Variants in CNDP2 observed in about 807,000 individuals in gnomAD.
CNDP2 encodes the protein carnosine dipeptidase 2, also known as cytosolic non-specific dipeptidase.
In CNDP2, 38 loss-of-function variants were observed where a neutral mutation model predicts 55.0. The ratio of observed to expected loss-of-function variants is 0.69; its 90% CI spans 0.53 to 0.90. CNDP2 has a LOEUF of 0.90. Ranked by LOEUF, CNDP2 falls within the 40% of genes least tolerant of loss-of-function variation. The pLI, the probability that CNDP2 is intolerant of heterozygous loss-of-function variation, is 0.00. For missense variants in CNDP2, 607 were observed against 621.7 expected (o/e 0.98, Z 0.25); for synonymous variants, 241 against 260.2 (o/e 0.93, Z 0.71).
chr18:74,508,210 C>T (rs1979143800), intron 4 of CNDP2: 1 of 152,740 alleles, frequency 6.5e-6, no homozygotes, highest in Non-Finnish European at 1.5e-5. Flanking sequence ...GGGGCCTTGT[C>T]TTCAAGTTGT....
Position 74,519,037 on chromosome 18 carries a change from G to A in CNDP2, c.1299G>A (p.Met433Ile). Residue 433 changes from methionine (M) to isoleucine (I), a missense_variant, in exon 11 of 12, where the codon ATG becomes ATA. Transcript: ENST00000324262. The part of the protein sequence containing the change: ...TFQEATGKNV[M>I]LLPVGSADDG... ...AGGAGGCCACGGGCAAGAACGTCAT[G>A]CTGCTGCCTGTGGGGTCAGCGGATG... is the stretch of plus-strand genomic sequence containing the variant. 1 of 1,614,062 alleles carries A rather than the reference G, an allele frequency of 6.2e-7. No homozygotes were observed. Among genetic ancestry groups the A allele is most frequent in the Non-Finnish European group, 8.5e-7 (1 of 1,179,974 alleles).
chr18:74,508,713 C>G lies in CNDP2; in HGVS notation c.368-127C>G, dbSNP rs551602783. On this transcript the variant is annotated intron_variant, in intron 4 of 11. Coordinates refer to ENST00000324262, the MANE Select transcript of CNDP2 (RefSeq NM_018235.3). Reference sequence around the variant, plus strand: ...TAGTGTTGGGTGGAAATTGGGGGCTCCTGATCGGAAGGGGAAGCCTCTCTC... The same window carrying G: ...TAGTGTTGGGTGGAAATTGGGGGCTGCTGATCGGAAGGGGAAGCCTCTCTC... 1.1e-4 allele frequency: 75 copies of G among 695,418 alleles called. 3 individuals are homozygous for G. The African/African-American group carries it at 1.3e-3, about 12-fold the overall frequency. 43.1% of individuals were successfully genotyped at this position (695,418 alleles called of 1,614,324 possible). A position where few individuals can be genotyped will look rare whatever the true frequency, so the allele number is the denominator to read the frequency against.
At position 74,513,729 on chromosome 18, in the gene CNDP2, A is replaced by G; in HGVS notation, c.903+10A>G. The G allele has an allele frequency of 6.2e-7, 1 of 1,611,280 alleles. No homozygotes were observed. The highest frequency in any genetic ancestry group is 8.5e-7 in the Non-Finnish European group (1 of 1,178,178). ...CCTGCACAGCCACAAGGTCTGGTTC[A>G]GGGCTCGACTCTGCCACCTGCCCAG... On this transcript the variant is annotated intron_variant, in intron 8 of 11. Transcript: ENST00000324262.
chr18:74,500,470 G>A (rs998573763), intron 2 of CNDP2, among the ~76,000 whole-genome samples: 12 of 152,086 alleles, frequency 7.9e-5, no homozygotes, highest in African/African-American at 2.7e-4. Context: ...GGCCATTGTC[G>A]GGATGATAAA....
At chr18:74,502,473 G>GTTT (rs780141172) in intron 3 of CNDP2, among the ~76,000 whole-genome samples, 7 of 144,346 alleles carry the variant, frequency 4.8e-5, no homozygotes. Flanking sequence ...TGTCTTTTTG[G>GTTT]TTTTTTTTTT....
At chr18:74,504,204 A>C (rs926217287) in intron 3 of CNDP2, among the ~76,000 whole-genome samples, 1 of 147,566 alleles carries the variant, frequency 6.8e-6, no homozygotes, top group Non-Finnish European at 1.5e-5. Flanking sequence ...ACTGGGACAA[A>C]TGAGGGGCGT....
chr18:74,516,204 C>T, intron 8 of CNDP2, 24 bp from the exon 9 acceptor site: 1 of 1,595,220 alleles, frequency 6.3e-7, no homozygotes, highest in Non-Finnish European at 8.5e-7. Flanking sequence ...CTGAGGTGTC[C>T]CTGACCCTCT....
At chr18:74,510,405 G>T (rs1286421931) in intron 5 of CNDP2, among the ~76,000 whole-genome samples, 2 of 152,186 alleles carry the variant, frequency 1.3e-5, no homozygotes, top group African/African-American at 4.8e-5. Flanking sequence ...TTCCCATCAG[G>T]CTCCTCGGGG....
chr18:74,499,845 A>T (rs766808206), intron 1 of CNDP2, 37 bp from the exon 2 acceptor site: 15 of 719,662 alleles, frequency 2.1e-5, no homozygotes, highest in Non-Finnish European at 3.2e-5. Flanking sequence ...AGGGTGGGGC[A>T]ACAATTTACA....
chr18:74,513,730 G>A lies in CNDP2; in HGVS notation c.903+11G>A. 2 of 1,611,304 alleles carry A rather than the reference G, an allele frequency of 1.2e-6. No individual in the cohort carries two copies. The highest frequency in any genetic ancestry group is 1.7e-6 in the Non-Finnish European group (2 of 1,178,206). ...CTGCACAGCCACAAGGTCTGGTTCA[G>A]GGCTCGACTCTGCCACCTGCCCAGG... On this transcript the variant is annotated intron_variant, in intron 8 of 11. Coordinates refer to ENST00000324262, the MANE Select transcript of CNDP2 (RefSeq NM_018235.3).
chr18:74,498,661 A>C (rs1162947301), intron 1 of CNDP2, among the ~76,000 whole-genome samples: 2 of 152,158 alleles, frequency 1.3e-5, no homozygotes, highest in Non-Finnish European at 2.9e-5. Flanking sequence ...CCCTGCGTAC[A>C]TTTTTGGCAA....
chr18:74,507,978 C>T (rs1164617500), intron 4 of CNDP2: 2 of 152,292 alleles, frequency 1.3e-5, no homozygotes, highest in African/African-American at 4.8e-5. Flanking sequence ...AGTTGGGTTT[C>T]ATTCGTCAAA....
At position 74,518,670 on chromosome 18, in the gene CNDP2, C is replaced by T. The variant is rs149951873; in HGVS notation, c.1210+30C>T. ...GACGCTCTCCTTGTGGATGATGCCG[C>T]GCAGGGCCCTTCGCACGTCTGACAG... On this transcript the variant is annotated intron_variant, in intron 10 of 11. Transcript: ENST00000324262. 5.7e-4 allele frequency: 923 copies of T among 1,613,370 alleles called. 4 individuals carry two copies. In the African/African-American group the frequency reaches 8.2e-3, roughly 14 times the overall value.
intron 3 of CNDP2, among the ~76,000 whole-genome samples, chr18:74,501,881 A>C (rs1263952214): frequency 6.6e-6 from 1 of 151,752 alleles, no homozygotes; most frequent in African/African-American, 2.4e-5. Flanking sequence ...TGCGTCCTTG[A>C]GCCTTATTTT....
chr18:74,512,594 C>T, intron 7 of CNDP2, 62 bp downstream of exon 7: 1 of 1,424,144 alleles, frequency 7.0e-7, no homozygotes, highest in Non-Finnish European at 9.9e-7. Context: ...GACTTCCAGG[C>T]TGTCTGTCAT....
chr18:74,496,862 G>C (rs1365249), intron 1 of CNDP2, among the ~76,000 whole-genome samples: 1 of 151,894 alleles, frequency 6.6e-6, no homozygotes. Flanking sequence ...TTTCTCCAAC[G>C]GATCCCTTTC....
chr18:74,518,118 G>GGGTGT (rs1568283269), intron 9 of CNDP2: 2 of 158,994 alleles, frequency 1.3e-5, no homozygotes, highest in Admixed American at 1.2e-4. Flanking sequence ...AAAATTAGCC[G>GGGTGT]GGTGTGGTGG....
intron 7 of CNDP2, 35 bp from the exon 8 acceptor site, chr18:74,513,524 C>G: frequency 6.3e-7 from 1 of 1,589,436 alleles, no homozygotes; most frequent in South Asian, 1.1e-5. Context: ...GTGCGGCCTC[C>G]CCTGAGTGCT....
Position 74,508,927 on chromosome 18 carries a change from A to T in CNDP2, c.455A>T (p.Gln152Leu). Residue 152 changes from glutamine to leucine, a missense_variant and splice_region_variant, in exon 5 of 12, where the codon CAG becomes CTG. Physicochemically the swap from Gln to Leu is moderately radical, Grantham distance 113. Transcript: ENST00000324262. ...CTGGAAGCGTATCAGAAAACAGGCC[A>T]GGTATGCCCCCCACGCTGACTTCTG... is the stretch of plus-strand genomic sequence containing the variant. ...NALEAYQKTG[Q>L]EIPVNVRFCL... The T allele has an allele frequency of 6.2e-7, 1 of 1,613,772 alleles. No individual in the cohort carries two copies. Among genetic ancestry groups the T allele is most frequent in the Non-Finnish European group, 8.5e-7 (1 of 1,179,816 alleles).
Sources: gnomAD v4.1 joint callset for allele counts (sites outside exome capture counted in the v4.1 genomes callset) on GRCh38, gnomAD v4.1.1 for gene constraint, MANE v1.5 for transcripts, NCBI Gene and HGNC (gene_info 2026-07-23, HGNC 2026-07-21) for gene names.